The following PCDHA1 variants were observed in gnomAD, a reference collection of about 807,000 sequenced individuals.
The protein encoded by PCDHA1 is protocadherin alpha 1.
A neutral mutation model predicts 61.3 loss-of-function variants in PCDHA1; 42 were observed. The observed-to-expected ratio is 0.69, with a 90% confidence interval of 0.54 to 0.89. PCDHA1 has a LOEUF of 0.89. Ranked by LOEUF, PCDHA1 falls within the 40% of genes least tolerant of loss-of-function variation. The probability of loss-of-function intolerance (pLI) is 0.00; values close to 1 mark genes in which losing one functional copy is unlikely to be tolerated. For missense variants in PCDHA1, 1,256 were observed against 1,235.3 expected (o/e 1.02, Z -0.25); for synonymous variants, 610 against 553.8 (o/e 1.10, Z -1.43).
intron 1 of PCDHA1, chr5:140,836,205 T>C (rs1774283455): frequency 1.2e-6 from 2 of 1,613,668 alleles, no homozygotes; most frequent in African/African-American, 2.7e-5. Flanking sequence ...CGCGTGGCTT[T>C]CGTATGAGTT....
intron 1 of PCDHA1, chr5:140,811,426 G>A (rs2150026278): frequency 6.6e-6 from 1 of 152,276 alleles, no homozygotes; most frequent in African/African-American, 2.4e-5. Context: ...CATTTGGGTT[G>A]GTTCCAAGTC....
chr5:140,908,416 G>GGAAT (rs1303787034), intron 1 of PCDHA1, among the ~76,000 whole-genome samples: 1 of 152,152 alleles, frequency 6.6e-6, no homozygotes, highest in African/African-American at 2.4e-5. Flanking sequence ...ATTTGATGAT[G>GGAAT]GAATGCTGCT....
intron 1 of PCDHA1, chr5:140,805,246 A>G (rs1304831560): frequency 7.6e-7 from 1 of 1,318,510 alleles, no homozygotes; most frequent in South Asian, 2.3e-5. Context: ...CCATCTGTAC[A>G]TTAAAATACC....
intron 1 of PCDHA1, chr5:140,828,172 G>C: frequency 3.1e-6 from 5 of 1,614,172 alleles, no homozygotes; most frequent in Non-Finnish European, 4.2e-6. Context: ...GGAAGGTGGG[G>C]AGCGGCCAGC....
chr5:140,850,659 C>G (rs782752701), intron 1 of PCDHA1: 1 of 1,598,246 alleles, frequency 6.3e-7, no homozygotes, highest in African/African-American at 1.3e-5. Context: ...CACTGTGCTG[C>G]GGTGCTCGGC....
At chr5:140,933,731 A>G (rs1210438420) in intron 1 of PCDHA1, among the ~76,000 whole-genome samples, 2 of 151,958 alleles carry the variant, frequency 1.3e-5, no homozygotes, top group East Asian at 1.9e-4. Context: ...CAGCTTTCTT[A>G]AATATTTGGT....
At chr5:140,846,481 T>A (rs1181531139) in intron 1 of PCDHA1, among the ~76,000 whole-genome samples, 1 of 146,696 alleles carries the variant, frequency 6.8e-6, no homozygotes, top group Non-Finnish European at 1.5e-5. Context: ...TTCAAATGAT[T>A]CTCCTTCCTC....
intron 1 of PCDHA1, chr5:140,801,661 A>AGG: frequency 6.2e-7 from 1 of 1,614,202 alleles, no homozygotes; most frequent in African/African-American, 1.3e-5. Flanking sequence ...TTTTCGCTAG[A>AGG]GGGCGCATCA....
chr5:140,786,144 A>G lies in PCDHA1; in HGVS notation c.-147A>G. ...TCTTGTCAATAGAAGGGAGCTACTG[A>G]TCACTAAAAGTGAAGGAGGAAGCTC... On this transcript the variant is annotated 5_prime_UTR_variant, in exon 1 of 4. Coordinates refer to ENST00000504120, the MANE Select transcript of PCDHA1 (RefSeq NM_018900.4). 2 of 987,504 alleles carry G rather than the reference A, an allele frequency of 2.0e-6. No individual in the cohort carries two copies. Among genetic ancestry groups the G allele is most frequent in the Admixed American group, 4.7e-5 (2 of 42,128 alleles). The allele number at this position is 987,504 out of a possible 1,614,324, so 61.2% of individuals were successfully genotyped here.
chr5:140,844,531 T>C (rs1779420037), intron 1 of PCDHA1, among the ~76,000 whole-genome samples: 1 of 149,526 alleles, frequency 6.7e-6, no homozygotes, highest in African/African-American at 2.4e-5. Context: ...ACTCTAATCA[T>C]TCAACCCTTT....
chr5:141,006,357 G>A (rs1296731156), intron 3 of PCDHA1, among the ~76,000 whole-genome samples: 1 of 151,914 alleles, frequency 6.6e-6, no homozygotes, highest in Middle Eastern at 3.4e-3. Context: ...GACTATAGGC[G>A]CCCACCACCA....
chr5:140,840,610 C>T (rs1488564002), intron 1 of PCDHA1, among the ~76,000 whole-genome samples: 1 of 151,912 alleles, frequency 6.6e-6, no homozygotes, highest in Admixed American at 6.6e-5. Context: ...AAGTGAGAGG[C>T]TGAATTTAAC....
chr5:140,810,537 A>G (rs1554125510), intron 1 of PCDHA1: 1 of 152,218 alleles, frequency 6.6e-6, no homozygotes. Context: ...TGACTTTTGT[A>G]ATCTCATTTT....
chr5:140,969,424 G>A (rs1554231783), intron 1 of PCDHA1: 1 of 1,558,342 alleles, frequency 6.4e-7, no homozygotes, highest in South Asian at 1.2e-5. Context: ...GTCATTAACA[G>A]TGACAAGAGT....
chr5:140,872,447 C>T (rs555580142), intron 1 of PCDHA1, among the ~76,000 whole-genome samples: 10 of 152,054 alleles, frequency 6.6e-5, no homozygotes, highest in African/African-American at 2.2e-4. Flanking sequence ...GACAACATAG[C>T]GAGATCCTGT....
At position 140,875,743 on chromosome 5, in the gene PCDHA1, G is replaced by T. The variant is rs782705899; in HGVS notation, c.2394+87059G>T. ...CATTTTGTTTGTGAATTCTCGGATCGACCGCGAGAAGCTGTGCGGGCGGAG... is the reference window on the plus strand; with the variant it reads ...CATTTTGTTTGTGAATTCTCGGATCTACCGCGAGAAGCTGTGCGGGCGGAG... On this transcript the variant is annotated intron_variant, in intron 1 of 3. Coordinates refer to ENST00000504120, the MANE Select transcript of PCDHA1 (RefSeq NM_018900.4). 1.8e-5 allele frequency: 29 copies of T among 1,614,226 alleles called. No individual in the cohort carries two copies. The highest frequency in any genetic ancestry group is 2.2e-5 in the Non-Finnish European group (26 of 1,180,038).
chr5:141,010,802 G>A lies in PCDHA1; in HGVS notation c.*865G>A, dbSNP rs1323558356. On this transcript the variant is annotated 3_prime_UTR_variant, in exon 4 of 4. Coordinates refer to ENST00000504120, the MANE Select transcript of PCDHA1 (RefSeq NM_018900.4). ...TTATGCAAAAGCAAAAGAAAACCCC[G>A]ACACCTCACCTTTCGCTGTTTGTTG... 6.5e-6 allele frequency: 1 copy of A among 153,554 alleles called. No homozygotes were observed. The highest frequency in any genetic ancestry group is 1.5e-5 in the Non-Finnish European group (1 of 68,024). The allele number at this position is 153,554 out of a possible 1,614,324, so 9.5% of individuals were successfully genotyped here. A position where few individuals can be genotyped will look rare whatever the true frequency, so the allele number is the denominator to read the frequency against.
At chr5:140,996,173 A>G (rs2097715399) in intron 3 of PCDHA1, among the ~76,000 whole-genome samples, 1 of 152,236 alleles carries the variant, frequency 6.6e-6, no homozygotes, top group Non-Finnish European at 1.5e-5. Flanking sequence ...ATGTGCTGAC[A>G]GCACCTCCAT....
At position 141,010,302 on chromosome 5, in the gene PCDHA1, A is replaced by C; in HGVS notation, c.*365A>C. On this transcript the variant is annotated 3_prime_UTR_variant, in exon 4 of 4. Coordinates refer to ENST00000504120, the MANE Select transcript of PCDHA1 (RefSeq NM_018900.4). ...TGATGACACTTGCAGGGCAGGCTGA[A>C]AAGTTTTGAGATTGAGCAGCTTGGG... The C allele has an allele frequency of 6.5e-7, 1 of 1,549,074 alleles. No individual in the cohort carries two copies. The highest frequency in any genetic ancestry group is 8.7e-7 in the Non-Finnish European group (1 of 1,146,244).
Sources: allele counts gnomAD v4.1 joint callset (sites outside exome capture counted in the v4.1 genomes callset), GRCh38; gene constraint gnomAD v4.1.1; transcripts MANE v1.5; gene names NCBI Gene and HGNC (gene_info 2026-07-23, HGNC 2026-07-21).